The following MAP4 variants were observed in gnomAD, a reference collection of about 807,000 sequenced individuals.
The protein encoded by MAP4 is microtubule associated protein 4.
In MAP4, 76 loss-of-function variants were observed where a neutral mutation model predicts 170.2. The observed-to-expected ratio is 0.45, with a 90% CI of 0.37 to 0.54. The LOEUF (loss-of-function observed/expected upper bound fraction) is 0.54, where lower values mean the gene tolerates loss of function less well. MAP4 is among the 20% of genes least tolerant of loss of function. The pLI, the probability that MAP4 is intolerant of heterozygous loss-of-function variation, is 0.00. For missense variants in MAP4, 2,506 were observed against 2,748.0 expected, an observed-to-expected ratio of 0.91 and a Z score of 1.97; for synonymous variants, 909 against 994.5, an observed-to-expected ratio of 0.91 and a Z score of 1.62.
chr3:47,923,669 A>C (rs1469590874), intron 4 of MAP4, among the ~76,000 whole-genome samples: 1 of 151,060 alleles, frequency 6.6e-6, no homozygotes, highest in Middle Eastern at 3.2e-3. Flanking sequence ...CGGAAAAATT[A>C]GCCAGGCATG....
rs2100034624 is a variant in MAP4, at chr3:47,909,123, T to C, written c.5298A>G (p.Arg1766=). The C allele has an allele frequency of 6.2e-7, 1 of 1,613,956 alleles. No homozygotes were observed. The highest frequency in any genetic ancestry group is 1.1e-5 in the South Asian group (1 of 91,078). The change falls in exon 9 of 21, where the codon AGA becomes AGG. Residue 1766 remains arginine (R), a synonymous_variant. Transcript: ENST00000683076. ...RMAEPMKGYM[R]PTKSRGLTPL... is the part of the protein sequence containing the mutation. ...GAGTAAGTCCTCGGGACTTGGTGGG[T>C]CTCATGTAGCCTTTCATTGGTTCTG...
At position 47,921,848 on chromosome 3, in the gene MAP4, A is replaced by G. The variant is rs1246353533; in HGVS notation, c.446T>C (p.Leu149Pro). The G allele has an allele frequency of 1.3e-6, 2 of 1,599,516 alleles. No homozygotes were observed. Among genetic ancestry groups the G allele is most frequent in the Non-Finnish European group, 1.7e-6 (2 of 1,166,784 alleles). Residue 149 changes from leucine to proline, a missense_variant, in exon 5 of 21, where the codon CTG becomes CCG. Around this residue, in one of 3 missense-constraint regions of MAP4, gnomAD observed 2,008 missense variants for 2,206.0 expected, o/e 0.91. Transcript: ENST00000683076. The part of the protein sequence containing the change: ...DPFKMYHDDD[L>P]ADLVFPSSAT... ...ACTGGAGGGAAAGACCAAATCTGCC[A>G]GGTCATCATCATGGTACATCTTAAA...
At chr3:47,936,366 AG>A (rs1367963435) in intron 3 of MAP4, among the ~76,000 whole-genome samples, 1 of 151,828 alleles carries the variant, frequency 6.6e-6, no homozygotes, top group Non-Finnish European at 1.5e-5. Context: ...TGGGAGGCAG[AG>A]GTTGCAGTGA....
chr3:48,006,493 G>A (rs2100102379), intron 1 of MAP4, among the ~76,000 whole-genome samples: 4 of 152,090 alleles, frequency 2.6e-5, no homozygotes, highest in Non-Finnish European at 5.9e-5. Context: ...TCATCCTGTG[G>A]TCATTACCCC....
At position 47,871,274 on chromosome 3, in the gene MAP4, T is replaced by C; in HGVS notation, c.5954A>G (p.Glu1985Gly). 1 of 1,613,802 alleles carries C rather than the reference T, an allele frequency of 6.2e-7. No individual in the cohort carries two copies. The highest frequency in any genetic ancestry group is 8.5e-7 in the Non-Finnish European group (1 of 1,179,630). ...CTTCTTGACTTCTGCAGGTTTTCCCTCAGTCTTAATGGCTGTACAAAATAT... is the reference window on the plus strand; with the variant it reads ...CTTCTTGACTTCTGCAGGTTTTCCCCCAGTCTTAATGGCTGTACAAAATAT... The part of the protein sequence containing the change: ...LPKKPTAIKT[E>G]GKPAEVKKMT... The change falls in exon 14 of 21, where the codon GAG becomes GGG. Residue 1985 changes from glutamate to glycine, a missense_variant. By Grantham distance (98) the Glu-to-Gly change is moderately conservative (BLOSUM62 -2). Around this residue, in one of 3 missense-constraint regions of MAP4, gnomAD observed 487 missense variants for 511.6 expected, o/e 0.95. Transcript: ENST00000683076.
chr3:47,891,300 A>G, intron 10 of MAP4: 2 of 1,536,172 alleles, frequency 1.3e-6, no homozygotes. Context: ...AAGTGAGCCA[A>G]TTCTTCTCTC....
intron 1 of MAP4, among the ~76,000 whole-genome samples, chr3:48,044,186 A>C (rs1484592362): frequency 1.4e-5 from 2 of 141,298 alleles, no homozygotes; most frequent in African/African-American, 5.3e-5. Flanking sequence ...AGACAGTCTC[A>C]CTCTGTTGCC....
chr3:48,057,374 T>C (rs1274731120), intron 1 of MAP4, among the ~76,000 whole-genome samples: 2 of 134,234 alleles, frequency 1.5e-5, no homozygotes, highest in African/African-American at 2.8e-5. Context: ...TTAAGGGCGG[T>C]GCAAGATGTG....
intron 3 of MAP4, among the ~76,000 whole-genome samples, chr3:47,951,586 G>A (rs1178718366): frequency 6.6e-6 from 1 of 152,224 alleles, no homozygotes; most frequent in African/African-American, 2.4e-5. Context: ...TCCTAACCGC[G>A]AGTGATCCGC....
intron 3 of MAP4, among the ~76,000 whole-genome samples, chr3:47,976,885 T>A (rs2100082478): frequency 6.6e-6 from 1 of 152,150 alleles, no homozygotes; most frequent in Non-Finnish European, 1.5e-5. Flanking sequence ...AAAGAATAAA[T>A]CCTAGAATAG....
chr3:47,973,970 T>C lies in MAP4; in HGVS notation c.292+3895A>G, dbSNP rs1388290045. 12 of 985,314 alleles carry C rather than the reference T, an allele frequency of 1.2e-5. No individual in the cohort carries two copies. In the South Asian group the frequency reaches 1.4e-4, roughly 12 times the overall value. 61.0% of individuals were successfully genotyped at this position (985,314 alleles called of 1,614,324 possible). A position where few individuals can be genotyped will look rare whatever the true frequency, so the allele number is the denominator to read the frequency against. ...TCAAGTGTCTTCTGTCCAGAATCCA[T>C]AGAAGAAATTTTTGTCAGAGAATCC... On this transcript the variant is annotated intron_variant, in intron 3 of 20. Coordinates refer to ENST00000683076, the MANE Select transcript of MAP4 (RefSeq NM_001385682.1).
At position 48,071,817 on chromosome 3, in the gene MAP4, T is replaced by C. The variant is rs193017398; in HGVS notation, c.-20+16956A>G. On this transcript the variant is annotated intron_variant, in intron 1 of 18. Coordinates refer to the MAP4 transcript ENST00000360240. ...TACTCGGGAGGCTAAAGCAGGAGAA[T>C]TGCTTGAACCCAGGAGGCAGAGGTT... Among the ~76,000 whole-genome samples, 647 of 151,938 alleles carry C rather than the reference T, an allele frequency of 4.3e-3. 4 individuals are homozygous for C. Among genetic ancestry groups the C allele is most frequent in the African/African-American group, 0.014 (591 of 41,414 alleles).
chr3:48,008,380 C>A (rs1378039631), intron 1 of MAP4, among the ~76,000 whole-genome samples: 1 of 152,228 alleles, frequency 6.6e-6, no homozygotes, highest in Non-Finnish European at 1.5e-5. Flanking sequence ...TGCAGCACTA[C>A]AACCCCTTTC....
chr3:47,872,043 C>A lies in MAP4; in HGVS notation c.5815G>T (p.Ala1939Ser). 6.2e-7 allele frequency: 1 copy of A among 1,613,456 alleles called. No homozygotes were observed. Among genetic ancestry groups the A allele is most frequent in the Middle Eastern group, 1.7e-4 (1 of 6,060 alleles). ...TTGGACCCAGATCTGGAGGCTGGGG[C>A]AGAAGCTGGCTTGGATGGTGAGGCC... ...KRASPSKPASAPASRSGSKST... is the reference protein window; with the variant it reads ...KRASPSKPASSPASRSGSKST... The change falls in exon 13 of 21, where the codon GCC (alanine) becomes TCC (serine). Residue 1939 changes from alanine (A) to serine (S), a missense_variant. Ala to Ser is a moderately conservative substitution (Grantham distance 99). This residue lies in a region of MAP4 where 487 missense variants were observed against 511.6 expected (regional missense o/e 0.95). Transcript: ENST00000683076.
intron 1 of MAP4, among the ~76,000 whole-genome samples, chr3:48,070,841 G>GAA (rs79176172): frequency 8.4e-6 from 1 of 119,584 alleles, no homozygotes; most frequent in Admixed American, 8.5e-5. Context: ...GTCTCTACAG[G>GAA]AAAAAAAAAA....
intron 3 of MAP4, among the ~76,000 whole-genome samples, chr3:47,934,707 G>GT (rs986222531): frequency 6.6e-6 from 1 of 151,910 alleles, no homozygotes; most frequent in South Asian, 2.1e-4. Flanking sequence ...TTGTTTTTTT[G>GT]TTTTTTTCCC....
intron 1 of MAP4, among the ~76,000 whole-genome samples, chr3:48,006,527 T>G (rs150783573): frequency 6.6e-6 from 1 of 152,182 alleles, no homozygotes; most frequent in African/African-American, 2.4e-5. Context: ...ATAATTGGCA[T>G]AGACATACTT....
chr3:47,991,731 G>T (rs2100092399), intron 2 of MAP4, among the ~76,000 whole-genome samples: 1 of 151,568 alleles, frequency 6.6e-6, no homozygotes. Context: ...ACAATGGCAC[G>T]ATCTCGGCTC....
chr3:47,882,135 C>T (rs1338469533), intron 10 of MAP4, among the ~76,000 whole-genome samples: 2 of 151,940 alleles, frequency 1.3e-5, no homozygotes, highest in Non-Finnish European at 2.9e-5. Context: ...ATAAATTAGC[C>T]GGGCGTTGTG....
Sources: gnomAD v4.1 joint callset for allele counts (sites outside exome capture counted in the v4.1 genomes callset) on GRCh38, gnomAD v4.1.1 for gene constraint, gnomAD v4.1.1 regional missense constraint, MANE v1.5 for transcripts, NCBI Gene and HGNC (gene_info 2026-07-23, HGNC 2026-07-21) for gene names.